Variants in PDLIM1 observed in about 807,000 individuals in gnomAD.
The protein encoded by PDLIM1 is PDZ and LIM domain 1, also known as PDZ and LIM domain protein 1.
Under a neutral mutation model 35.2 loss-of-function variants are expected in PDLIM1, and 25 were observed. That is an observed-to-expected ratio of 0.71 (90% CI 0.52 to 0.99). The LOEUF is 0.99. PDLIM1 is among the 50% of genes least tolerant of loss of function. PDLIM1 has a pLI of 0.00. For missense variants in PDLIM1, 363 were observed against 415.3 expected (o/e 0.87, Z 1.09); for synonymous variants, 152 against 154.0 (o/e 0.99, Z 0.10).
intron 1 of PDLIM1, among the ~76,000 whole-genome samples, chr10:95,283,587 G>A (rs2035577236): frequency 6.6e-6 from 1 of 152,234 alleles, no homozygotes; most frequent in African/African-American, 2.4e-5. Flanking sequence ...GGAAAGGTTT[G>A]CAGCCAGCTG....
At chr10:95,271,515 GTA>G (rs1428193574) in intron 2 of PDLIM1, 116 bp downstream of exon 2, 37 of 729,904 alleles carry the variant, frequency 5.1e-5, no homozygotes, top group Non-Finnish European at 8.0e-5. Context: ...CATGCCTATA[GTA>G]TATACATGGC....
chr10:95,258,360 G>A (rs980952820), intron 4 of PDLIM1, among the ~76,000 whole-genome samples: 2 of 151,968 alleles, frequency 1.3e-5, no homozygotes, highest in Non-Finnish European at 2.9e-5. Context: ...AAATTAGCCG[G>A]GCATGGTGGC....
chr10:95,255,123 G>A (rs1052357963), intron 4 of PDLIM1, among the ~76,000 whole-genome samples: 1 of 151,926 alleles, frequency 6.6e-6, no homozygotes, highest in African/African-American at 2.4e-5. Context: ...CCTATAACTA[G>A]TAAGGAGGTT....
intron 5 of PDLIM1, among the ~76,000 whole-genome samples, chr10:95,239,037 C>T (rs1196062378): frequency 2.8e-5 from 3 of 108,372 alleles, no homozygotes; most frequent in East Asian, 2.1e-4. Flanking sequence ...AACCCAGAAA[C>T]GAGACCACAC....
At chr10:95,263,385 A>G (rs765807976) in intron 4 of PDLIM1, among the ~76,000 whole-genome samples, 3 of 152,150 alleles carry the variant, frequency 2.0e-5, no homozygotes, top group Non-Finnish European at 2.9e-5. Context: ...CTCTAGGGAA[A>G]AAGCAAACAC....
rs139641361 is a variant in PDLIM1, at chr10:95,280,683, CTTTGT to C, written c.97-8904_97-8900del. On this transcript the variant is annotated intron_variant, in intron 1 of 6. Transcript: ENST00000329399. Reference sequence around the variant, plus strand: ...AATGGTTCTCAGGCAGAGGTTTTTGCTTTGTTTTATTTTTTTCTTTTTCTTGAGGG... The same window carrying C: ...AATGGTTCTCAGGCAGAGGTTTTTGCTTTATTTTTTTCTTTTTCTTGAGGG... Among the ~76,000 whole-genome samples the C allele has an allele frequency of 2.6e-3, 403 of 152,160 alleles. 1 individual carries two copies. Among genetic ancestry groups the C allele is most frequent in the Admixed American group, 4.5e-3 (68 of 15,280 alleles).
chr10:95,249,883 G>C (rs910859925), intron 4 of PDLIM1, among the ~76,000 whole-genome samples: 1 of 152,160 alleles, frequency 6.6e-6, no homozygotes, highest in African/African-American at 2.4e-5. Flanking sequence ...AAGATTCATG[G>C]GTTGGTCACT....
At chr10:95,281,936 C>T (rs796382114) in intron 1 of PDLIM1, among the ~76,000 whole-genome samples, 5 of 152,344 alleles carry the variant, frequency 3.3e-5, no homozygotes, top group South Asian at 2.1e-4. Context: ...TCTCTCTTTC[C>T]TCTTCCATGT....
At chr10:95,257,263 T>A (rs186505214) in intron 4 of PDLIM1, among the ~76,000 whole-genome samples, 392 of 151,864 alleles carry the variant, frequency 2.6e-3, no homozygotes, top group African/African-American at 8.5e-3. Flanking sequence ...AACATTGAAT[T>A]TGGTGATGAT....
At chr10:95,249,879 C>G (rs1415555330) in intron 4 of PDLIM1, among the ~76,000 whole-genome samples, 1 of 152,180 alleles carries the variant, frequency 6.6e-6, no homozygotes. Flanking sequence ...TAGCAAGATT[C>G]ATGGGTTGGT....
chr10:95,280,913 G>C (rs576094861), intron 1 of PDLIM1, among the ~76,000 whole-genome samples: 4 of 152,314 alleles, frequency 2.6e-5, no homozygotes, highest in South Asian at 4.1e-4. Context: ...TTGGTCATCA[G>C]ATCCCATGGG....
chr10:95,281,613 C>T (rs144182131), intron 1 of PDLIM1, among the ~76,000 whole-genome samples: 4 of 152,300 alleles, frequency 2.6e-5, no homozygotes, highest in Non-Finnish European at 4.4e-5. Flanking sequence ...TGTTGGTTAA[C>T]ACCCCTGAAA....
At chr10:95,289,332 CG>C (rs2035631301) in intron 1 of PDLIM1, among the ~76,000 whole-genome samples, 1 of 152,094 alleles carries the variant, frequency 6.6e-6, no homozygotes, top group South Asian at 2.1e-4. Flanking sequence ...CTACCAGGCT[CG>C]GGGACGATTC....
intron 1 of PDLIM1, among the ~76,000 whole-genome samples, chr10:95,278,310 AT>A (rs1221688711): frequency 6.6e-6 from 1 of 152,234 alleles, no homozygotes; most frequent in African/African-American, 2.4e-5. Context: ...CGAGGATTAC[AT>A]TAGGCAATTC....
Position 95,238,646 on chromosome 10 carries a change from G to A in PDLIM1, c.725C>T (p.Ala242Val). 3 of 1,613,926 alleles carry A rather than the reference G, an allele frequency of 1.9e-6. No individual in the cohort carries two copies. The highest frequency in any genetic ancestry group is 2.5e-6 in the Non-Finnish European group (3 of 1,179,804). The part of the protein sequence containing the change: ...NKPSGFRSVK[A>V]PVTKVAASIG... ...CGACGCAGCCACTTTAGTGACAGGA[G>A]CTTTAACACTTCTGAATCCTGAGGG... Residue 242 changes from alanine to valine, a missense_variant, in exon 6 of 7, where the codon GCT becomes GTT. Transcript: ENST00000329399.
chr10:95,257,034 GAA>G (rs1371536710), intron 4 of PDLIM1, among the ~76,000 whole-genome samples: 1 of 103,960 alleles, frequency 9.6e-6, no homozygotes, highest in East Asian at 2.3e-4. Context: ...AAGAAAGAAA[GAA>G]AGAATTCAAA....
intron 1 of PDLIM1, among the ~76,000 whole-genome samples, chr10:95,288,877 G>C (rs373866836): frequency 4.6e-5 from 7 of 152,218 alleles, no homozygotes; most frequent in African/African-American, 1.7e-4. Context: ...ATGGAGCTGT[G>C]CCCTCTCATT....
intron 1 of PDLIM1, among the ~76,000 whole-genome samples, chr10:95,289,800 G>A (rs752640959): frequency 1.3e-5 from 2 of 152,270 alleles, no homozygotes; most frequent in African/African-American, 2.4e-5. Flanking sequence ...CTACAGGCAA[G>A]GAGTGGCCAT....
At chr10:95,271,609 A>C in intron 2 of PDLIM1, 24 bp downstream of exon 2, 1 of 1,579,472 alleles carries the variant, frequency 6.3e-7, no homozygotes, top group Non-Finnish European at 8.6e-7. Flanking sequence ...TCAGAAATGA[A>C]CAAAACGTTT....
Sources: gnomAD v4.1 joint callset for allele counts (sites outside exome capture counted in the v4.1 genomes callset) on GRCh38, gnomAD v4.1.1 for gene constraint, MANE v1.5 for transcripts, NCBI Gene and HGNC (gene_info 2026-07-23, HGNC 2026-07-21) for gene names.